The following FGF14 variants were observed in gnomAD, a reference collection of about 807,000 sequenced individuals.
FGF14 encodes fibroblast growth factor homologous factor 4.
Under a neutral mutation model 25.5 loss-of-function variants are expected in FGF14, and 5 were observed. The observed-to-expected ratio is 0.20, with a 90% confidence interval of 0.10 to 0.41. FGF14 has a LOEUF of 0.41. FGF14 is among the 10% of genes least tolerant of loss of function. The probability of loss-of-function intolerance (pLI) is 1.00; values close to 1 mark genes in which losing one functional copy is unlikely to be tolerated. For synonymous variants in FGF14, 138 were observed against 118.3 expected, an observed-to-expected ratio of 1.17 and a Z score of -1.08; for missense variants, 222 against 320.1, an observed-to-expected ratio of 0.69 and a Z score of 2.34.
At chr13:102,356,383 A>C (rs1383140700) in intron 1 of FGF14, among the ~76,000 whole-genome samples, 2 of 152,358 alleles carry the variant, frequency 1.3e-5, no homozygotes, top group East Asian at 3.9e-4. Context: ...CTAGAACTTC[A>C]GGTGTGAAAG....
intron 1 of FGF14, among the ~76,000 whole-genome samples, chr13:102,270,576 T>G (rs950060912): frequency 5.3e-5 from 8 of 152,182 alleles, no homozygotes; most frequent in African/African-American, 1.7e-4. Context: ...TCAACCTGCT[T>G]GCCAAGAATT....
intron 1 of FGF14, among the ~76,000 whole-genome samples, chr13:102,157,548 A>T (rs1272415279): frequency 6.6e-6 from 1 of 152,224 alleles, no homozygotes; most frequent in Admixed American, 6.5e-5. Flanking sequence ...CTAAAACCAT[A>T]AAAACCCTAG....
At chr13:102,017,449 A>G (rs2040406782) in intron 1 of FGF14, among the ~76,000 whole-genome samples, 1 of 152,190 alleles carries the variant, frequency 6.6e-6, no homozygotes, top group African/African-American at 2.4e-5. Flanking sequence ...ATTTACTGCT[A>G]GCATCCAGTG....
chr13:102,065,003 T>C (rs1458243289), intron 1 of FGF14, among the ~76,000 whole-genome samples: 2 of 151,946 alleles, frequency 1.3e-5, no homozygotes, highest in East Asian at 3.9e-4. Flanking sequence ...AAATATCAGA[T>C]ATATAATATA....
At chr13:101,757,568 A>G (rs191311079) in intron 3 of FGF14, among the ~76,000 whole-genome samples, 39 of 152,310 alleles carry the variant, frequency 2.6e-4, no homozygotes, top group Admixed American at 2.0e-3. Flanking sequence ...AAACAGTTAT[A>G]CAATCCAATT....
intron 1 of FGF14, among the ~76,000 whole-genome samples, chr13:102,200,055 C>T (rs1285764679): frequency 6.6e-5 from 10 of 152,162 alleles, no homozygotes; most frequent in African/African-American, 2.4e-4. Flanking sequence ...TATCATGTGG[C>T]CTCAGTGTTG....
intron 1 of FGF14, among the ~76,000 whole-genome samples, chr13:102,060,962 G>A (rs1011597658): frequency 7.2e-5 from 11 of 152,208 alleles, no homozygotes. Flanking sequence ...GAGGCCAGCA[G>A]GTCATTGATG....
chr13:102,243,399 G>T (rs192831686), intron 1 of FGF14, among the ~76,000 whole-genome samples: 6 of 152,140 alleles, frequency 3.9e-5, no homozygotes, highest in African/African-American at 1.2e-4. Context: ...ATGTTTTAAA[G>T]TCCAAAATAG....
chr13:102,053,159 C>T (rs1595118628), intron 1 of FGF14, among the ~76,000 whole-genome samples: 6 of 152,054 alleles, frequency 3.9e-5, no homozygotes, highest in Non-Finnish European at 1.5e-5. Context: ...ATCTATAAAA[C>T]AATAAGACAA....
chr13:102,124,201 G>C (rs572205276), intron 1 of FGF14, among the ~76,000 whole-genome samples: 1 of 152,108 alleles, frequency 6.6e-6, no homozygotes, highest in Non-Finnish European at 1.5e-5. Flanking sequence ...AAATTAAAAA[G>C]CTGTCCCACT....
chr13:101,740,690 A>T (rs372628026), intron 3 of FGF14, among the ~76,000 whole-genome samples: 1 of 152,198 alleles, frequency 6.6e-6, no homozygotes, highest in Admixed American at 6.5e-5. Context: ...AGAGTATAAC[A>T]TAAGTTTCCA....
At chr13:101,924,112 T>C (rs2034197096) in intron 1 of FGF14, among the ~76,000 whole-genome samples, 1 of 152,044 alleles carries the variant, frequency 6.6e-6, no homozygotes, top group Non-Finnish European at 1.5e-5. Flanking sequence ...TTTTTAACAC[T>C]ACTGAATACC....
At chr13:102,083,677 C>A (rs769292700) in intron 1 of FGF14, among the ~76,000 whole-genome samples, 2 of 152,194 alleles carry the variant, frequency 1.3e-5, no homozygotes, top group African/African-American at 4.8e-5. Context: ...TTTCATGTAT[C>A]GATTTATGAT....
intron 1 of FGF14, among the ~76,000 whole-genome samples, chr13:101,929,909 G>A (rs952845938): frequency 1.3e-5 from 2 of 152,054 alleles, no homozygotes; most frequent in Non-Finnish European, 2.9e-5. Context: ...GGATGACTTT[G>A]TTTTTAATAT....
At chr13:101,788,163 C>T (rs1246978772) in intron 3 of FGF14, among the ~76,000 whole-genome samples, 2 of 151,802 alleles carry the variant, frequency 1.3e-5, no homozygotes, top group African/African-American at 4.8e-5. Context: ...TGAGCCACCA[C>T]CCCTGCCCCC....
intron 3 of FGF14, among the ~76,000 whole-genome samples, chr13:101,850,430 G>A (rs1183638024): frequency 8.2e-6 from 1 of 121,938 alleles, no homozygotes; most frequent in Non-Finnish European, 1.7e-5. Context: ...CTCCAGCCTG[G>A]GAAACAGGGC....
At chr13:101,810,078 T>A (rs73557419) in intron 3 of FGF14, among the ~76,000 whole-genome samples, 15 of 152,296 alleles carry the variant, frequency 9.8e-5, no homozygotes, top group African/African-American at 3.6e-4. Context: ...TAAGACATAA[T>A]GTCAAAACTC....
chr13:101,943,481 C>T (rs946833958), intron 1 of FGF14, among the ~76,000 whole-genome samples: 1 of 152,156 alleles, frequency 6.6e-6, no homozygotes, highest in Non-Finnish European at 1.5e-5. Flanking sequence ...GCCAGAGATG[C>T]TGCTAAACAT....
At chr13:101,862,202 T>C (rs1032353722) in intron 3 of FGF14, among the ~76,000 whole-genome samples, 7 of 152,102 alleles carry the variant, frequency 4.6e-5, no homozygotes, top group African/African-American at 7.2e-5. Flanking sequence ...AAGGTCTCCC[T>C]TTCTCTTCTT....
Sources: gnomAD v4.1 joint callset for allele counts (sites outside exome capture counted in the v4.1 genomes callset) on GRCh38, gnomAD v4.1.1 for gene constraint, MANE v1.5 for transcripts, NCBI Gene and HGNC (gene_info 2026-07-23, HGNC 2026-07-21) for gene names.